Variants in GPC6 observed in about 807,000 individuals in gnomAD.
GPC6 encodes the protein glypican 6.
GPC6 carries 14 observed loss-of-function variants against 55.2 expected under a neutral mutation model. The ratio of observed to expected loss-of-function variants is 0.25; its 90% CI spans 0.17 to 0.40. The LOEUF is 0.40. Among genes scored for constraint, GPC6 ranks in the 10% least tolerant of loss-of-function variants. The probability of loss-of-function intolerance (pLI) is 1.00; values close to 1 mark genes in which losing one functional copy is unlikely to be tolerated. For missense variants in GPC6, 641 were observed against 708.5 expected (o/e 0.90, Z 1.08); for synonymous variants, 278 against 259.6 (o/e 1.07, Z -0.68).
chr13:94,226,927 G>A (rs1176776287), intron 4 of GPC6, among the ~76,000 whole-genome samples: 1 of 152,114 alleles, frequency 6.6e-6, no homozygotes, highest in Non-Finnish European at 1.5e-5. Flanking sequence ...AAGATGCCAT[G>A]AACCAGCAGT....
chr13:94,224,110 A>C (rs899374609), intron 4 of GPC6, among the ~76,000 whole-genome samples: 6 of 151,888 alleles, frequency 4.0e-5, no homozygotes, highest in Admixed American at 3.3e-4. Flanking sequence ...TAAGTACAAC[A>C]ATGTTGTACT....
intron 4 of GPC6, among the ~76,000 whole-genome samples, chr13:94,036,157 A>T (rs1883324810): frequency 6.6e-6 from 1 of 152,022 alleles, no homozygotes; most frequent in African/African-American, 2.4e-5. Context: ...GGGAAGCTTC[A>T]TGGTGTATGA....
chr13:94,395,669 G>T (rs1486422341), intron 7 of GPC6, among the ~76,000 whole-genome samples: 2 of 152,214 alleles, frequency 1.3e-5, no homozygotes, highest in Non-Finnish European at 2.9e-5. Flanking sequence ...AGGAAGGGAA[G>T]AATTTCAAGC....
intron 1 of GPC6, among the ~76,000 whole-genome samples, chr13:93,282,418 C>T (rs1206053362): frequency 2.6e-5 from 4 of 151,938 alleles, no homozygotes; most frequent in Admixed American, 6.6e-5. Flanking sequence ...TTCCCTACCC[C>T]GCCCCCAGTA....
intron 2 of GPC6, among the ~76,000 whole-genome samples, chr13:93,689,742 C>G (rs1287106870): frequency 6.6e-6 from 1 of 152,054 alleles, no homozygotes; most frequent in Non-Finnish European, 1.5e-5. Flanking sequence ...AATATTTCGC[C>G]CTGTTTCTAA....
chr13:93,413,890 A>C (rs1427026892), intron 1 of GPC6, among the ~76,000 whole-genome samples: 1 of 152,350 alleles, frequency 6.6e-6, no homozygotes, highest in East Asian at 1.9e-4. Flanking sequence ...ATATTCTTCA[A>C]AATACCTATA....
At chr13:94,299,645 G>A (rs1875536582) in intron 5 of GPC6, among the ~76,000 whole-genome samples, 2 of 152,284 alleles carry the variant, frequency 1.3e-5, no homozygotes, top group South Asian at 2.1e-4. Context: ...TAAAGCAGAG[G>A]GCCCTCGCCA....
At chr13:94,096,610 C>T (rs1019358611) in intron 4 of GPC6, among the ~76,000 whole-genome samples, 2 of 152,110 alleles carry the variant, frequency 1.3e-5, no homozygotes, top group Non-Finnish European at 2.9e-5. Flanking sequence ...TCACAGAGCT[C>T]ACGGTCCAGG....
intron 4 of GPC6, among the ~76,000 whole-genome samples, chr13:94,226,530 A>C (rs936882007): frequency 6.6e-6 from 1 of 152,178 alleles, no homozygotes; most frequent in South Asian, 2.1e-4. Flanking sequence ...AAAACATTAC[A>C]CTGTACCCCA....
At chr13:93,432,285 C>T (rs372987655) in intron 1 of GPC6, among the ~76,000 whole-genome samples, 1 of 152,088 alleles carries the variant, frequency 6.6e-6, no homozygotes, top group Non-Finnish European at 1.5e-5. Context: ...TGAACAGATC[C>T]ATGTATGACT....
At chr13:93,339,576 G>A (rs1019136520) in intron 1 of GPC6, among the ~76,000 whole-genome samples, 6 of 152,194 alleles carry the variant, frequency 3.9e-5, no homozygotes, top group Admixed American at 2.6e-4. Context: ...GGTCTACACT[G>A]AGGTTAGGAA....
chr13:93,568,615 A>G (rs185872304), intron 2 of GPC6, among the ~76,000 whole-genome samples: 101 of 152,320 alleles, frequency 6.6e-4, no homozygotes, highest in Non-Finnish European at 1.3e-3. Flanking sequence ...ATAAAAGAGA[A>G]GATATCCAGA....
At chr13:93,251,338 A>G (rs183340726) in intron 1 of GPC6, among the ~76,000 whole-genome samples, 338 of 152,304 alleles carry the variant, frequency 2.2e-3, no homozygotes, top group African/African-American at 7.6e-3. Context: ...GAGATGATGT[A>G]ACAGACCCTC....
intron 3 of GPC6, among the ~76,000 whole-genome samples, chr13:93,848,713 A>G (rs1362803556): frequency 6.6e-6 from 1 of 152,064 alleles, no homozygotes; most frequent in Admixed American, 6.6e-5. Flanking sequence ...TAAGTCTTCC[A>G]TCTCTCACTT....
chr13:94,324,812 C>A (rs147532621), intron 6 of GPC6, among the ~76,000 whole-genome samples: 1 of 151,900 alleles, frequency 6.6e-6, no homozygotes, highest in African/African-American at 2.4e-5. Flanking sequence ...AGCCTATAGT[C>A]GTTCACCAAA....
intron 2 of GPC6, among the ~76,000 whole-genome samples, chr13:93,789,272 T>C (rs1211040195): frequency 2.6e-5 from 4 of 151,854 alleles, no homozygotes; most frequent in Non-Finnish European, 4.4e-5. Context: ...GCAGAAGATA[T>C]TAGTGTTCTA....
At chr13:93,789,598 CAT>C (rs755185604) in intron 2 of GPC6, among the ~76,000 whole-genome samples, 796 of 67,374 alleles carry the variant, frequency 0.012, 9 homozygotes, top group Middle Eastern at 0.025. Context: ...TATAATACTA[CAT>C]ATATATATAT....
chr13:94,369,160 C>T (rs1412959646), intron 6 of GPC6, among the ~76,000 whole-genome samples: 6 of 152,146 alleles, frequency 3.9e-5, no homozygotes, highest in African/African-American at 1.4e-4. Context: ...ATATTATTTA[C>T]ATCTGGTCAC....
intron 4 of GPC6, among the ~76,000 whole-genome samples, chr13:94,198,424 T>A (rs1355434493): frequency 6.6e-6 from 1 of 152,284 alleles, no homozygotes; most frequent in Admixed American, 6.5e-5. Context: ...AGGAAGATGA[T>A]TTGGTAAAAT....
Sources: gnomAD v4.1 joint callset for allele counts (sites outside exome capture counted in the v4.1 genomes callset) on GRCh38, gnomAD v4.1.1 for gene constraint, MANE v1.5 for transcripts, NCBI Gene and HGNC (gene_info 2026-07-23, HGNC 2026-07-21) for gene names.